The following TESK2 variants were observed in gnomAD, a reference collection of about 807,000 sequenced individuals.
TESK2 encodes testis associated actin remodelling kinase 2.
In TESK2, 39 loss-of-function variants were observed where a neutral mutation model predicts 57.1. The ratio of observed to expected loss-of-function variants is 0.68; its 90% CI spans 0.53 to 0.89. The LOEUF (loss-of-function observed/expected upper bound fraction) is 0.89, where lower values mean the gene tolerates loss of function less well. Among genes scored for constraint, TESK2 ranks in the 40% least tolerant of loss-of-function variants. The probability of loss-of-function intolerance (pLI) is 0.00; values close to 1 mark genes in which losing one functional copy is unlikely to be tolerated. For synonymous variants in TESK2, 249 were observed against 267.9 expected (o/e 0.93, Z 0.69); for missense variants, 646 against 732.1 (o/e 0.88, Z 1.36).
At chr1:45,365,316 A>C (rs1293484274) in intron 4 of TESK2, among the ~76,000 whole-genome samples, 1 of 152,196 alleles carries the variant, frequency 6.6e-6, no homozygotes, top group Non-Finnish European at 1.5e-5. Flanking sequence ...TGACTGAAAC[A>C]GTCAGTAGTA....
intron 2 of TESK2, among the ~76,000 whole-genome samples, chr1:45,427,134 T>C (rs1650728193): frequency 6.6e-6 from 1 of 151,330 alleles, no homozygotes; most frequent in African/African-American, 2.4e-5. Flanking sequence ...TTCCAGCTAC[T>C]TGGGAGGCTG....
intron 3 of TESK2, among the ~76,000 whole-genome samples, chr1:45,410,717 T>G (rs1382250515): frequency 1.3e-5 from 2 of 152,084 alleles, no homozygotes; most frequent in African/African-American, 2.4e-5. Flanking sequence ...TAAAAATTGT[T>G]CAACATTTAA....
intron 5 of TESK2, among the ~76,000 whole-genome samples, chr1:45,352,272 C>A (rs999222616): frequency 5.3e-5 from 8 of 152,118 alleles, no homozygotes; most frequent in Admixed American, 2.0e-4. Flanking sequence ...AAGTCCGGAC[C>A]CAAGAAAGTA....
chr1:45,460,231 A>G (rs902132306), intron 1 of TESK2, among the ~76,000 whole-genome samples: 21 of 152,266 alleles, frequency 1.4e-4, no homozygotes, highest in African/African-American at 5.1e-4. Flanking sequence ...AAAATAAAAT[A>G]GAGGCTAGGC....
chr1:45,427,069 C>A (rs1002433692), intron 2 of TESK2, among the ~76,000 whole-genome samples: 1 of 151,828 alleles, frequency 6.6e-6, no homozygotes, highest in Admixed American at 6.6e-5. Context: ...ATGGTAAAAC[C>A]CCGTCTCCAC....
chr1:45,347,096 A>C lies in TESK2; in HGVS notation c.709-34T>G, dbSNP rs199700061. The C allele has an allele frequency of 3.7e-5, 59 of 1,597,364 alleles. No homozygotes were observed. In the Admixed American group the frequency reaches 5.8e-4, roughly 16 times the overall value. Reference sequence around the variant, plus strand: ...TAGTCGGACTTTGGTTTCCCTCTTAATGGGTTGAGGGGTAGGGTATCTGCC... The same window carrying C: ...TAGTCGGACTTTGGTTTCCCTCTTACTGGGTTGAGGGGTAGGGTATCTGCC... On this transcript the variant is annotated intron_variant, in intron 7 of 10. Transcript: ENST00000372086.
chr1:45,365,919 C>T (rs1370708096), intron 4 of TESK2, among the ~76,000 whole-genome samples: 1 of 152,020 alleles, frequency 6.6e-6, no homozygotes, highest in Non-Finnish European at 1.5e-5. Context: ...TGTGATCCAC[C>T]TACCTTGGCC....
chr1:45,361,555 T>A (rs1335698617), intron 4 of TESK2, among the ~76,000 whole-genome samples: 3 of 151,926 alleles, frequency 2.0e-5, no homozygotes, highest in Non-Finnish European at 4.4e-5. Flanking sequence ...AATAACAGAG[T>A]TTCTTCCATT....
At chr1:45,449,302 T>C (rs1445017260) in intron 2 of TESK2, among the ~76,000 whole-genome samples, 1 of 151,310 alleles carries the variant, frequency 6.6e-6, no homozygotes, top group Non-Finnish European at 1.5e-5. Flanking sequence ...TTTATAAAAC[T>C]AAACATATTT....
At chr1:45,460,468 C>T (rs1299601772) in intron 1 of TESK2, among the ~76,000 whole-genome samples, 4 of 151,846 alleles carry the variant, frequency 2.6e-5, no homozygotes, top group Non-Finnish European at 4.4e-5. Context: ...TGCAGTGAGC[C>T]GAGATCATGC....
chr1:45,435,009 G>A (rs961581366), intron 2 of TESK2, among the ~76,000 whole-genome samples: 2 of 149,882 alleles, frequency 1.3e-5, no homozygotes, highest in Admixed American at 1.3e-4. Flanking sequence ...TCTTACCAAG[G>A]CTGGAGTGCA....
intron 4 of TESK2, among the ~76,000 whole-genome samples, chr1:45,363,842 T>C (rs931513632): frequency 1.3e-5 from 2 of 152,076 alleles, no homozygotes; most frequent in African/African-American, 4.8e-5. Context: ...TCTCAGACTA[T>C]AATAGTTGTA....
At chr1:45,475,813 C>T (rs1570769175) in intron 1 of TESK2, among the ~76,000 whole-genome samples, 1 of 152,190 alleles carries the variant, frequency 6.6e-6, no homozygotes, top group South Asian at 2.1e-4. Context: ...AGCAGACTTG[C>T]TGAGTCTTCC....
chr1:45,440,138 GA>G (rs1395762747), intron 2 of TESK2, among the ~76,000 whole-genome samples: 1 of 151,954 alleles, frequency 6.6e-6, no homozygotes, highest in Admixed American at 6.6e-5. Flanking sequence ...TTTTTGTAGA[GA>G]CGGGGATTCA....
intron 2 of TESK2, among the ~76,000 whole-genome samples, chr1:45,448,955 T>C (rs1404273965): frequency 6.6e-6 from 1 of 152,140 alleles, no homozygotes; most frequent in African/African-American, 2.4e-5. Context: ...CAGGGTGCAG[T>C]GGCTCACGCC....
chr1:45,359,379 G>C (rs1443452450), intron 4 of TESK2, among the ~76,000 whole-genome samples: 2 of 152,054 alleles, frequency 1.3e-5, no homozygotes, highest in African/African-American at 2.4e-5. Context: ...GGCCAACATA[G>C]TGAAACCCCA....
At chr1:45,350,703 C>T (rs1231921073) in intron 5 of TESK2, among the ~76,000 whole-genome samples, 1 of 152,174 alleles carries the variant, frequency 6.6e-6, no homozygotes, top group Non-Finnish European at 1.5e-5. Context: ...TGATCTCATA[C>T]CTTTACCATA....
intron 2 of TESK2, among the ~76,000 whole-genome samples, chr1:45,423,668 T>C (rs1417022734): frequency 6.6e-6 from 1 of 151,954 alleles, no homozygotes; most frequent in Non-Finnish European, 1.5e-5. Context: ...AAGCACCTTA[T>C]AATCATTTAA....
chr1:45,486,069 C>G (rs886533857), intron 1 of TESK2, among the ~76,000 whole-genome samples: 3 of 152,168 alleles, frequency 2.0e-5, no homozygotes, highest in African/African-American at 7.2e-5. Flanking sequence ...CTTATTACAA[C>G]CAGGCTTTTC....
Sources: gnomAD v4.1 joint callset for allele counts (sites outside exome capture counted in the v4.1 genomes callset) on GRCh38, gnomAD v4.1.1 for gene constraint, MANE v1.5 for transcripts, NCBI Gene and HGNC (gene_info 2026-07-23, HGNC 2026-07-21) for gene names.